Variants in N4BP2 observed in about 807,000 individuals in gnomAD.
N4BP2 encodes NEDD4 binding protein 2.
A neutral mutation model predicts 152.8 loss-of-function variants in N4BP2; 91 were observed. That is an observed-to-expected ratio of 0.60 (90% CI 0.50 to 0.71). N4BP2 has a LOEUF of 0.71. Among genes scored for constraint, N4BP2 ranks in the 30% least tolerant of loss-of-function variants. N4BP2 has a pLI of 0.00. For missense variants in N4BP2, 1,923 were observed against 2,059.1 expected (o/e 0.93, Z 1.28); for synonymous variants, 646 against 705.3 (o/e 0.92, Z 1.33).
rs531823884 is a variant in N4BP2 at position 40,141,085 on chromosome 4, G to A, written c.4786-1588G>A. 2.2e-3 allele frequency among the ~76,000 whole-genome samples: 339 copies of A among 152,040 alleles called. 1 individual carries two copies. Among genetic ancestry groups the A allele is most frequent in the African/African-American group, 8.0e-3 (330 of 41,496 alleles). ...AAAACCGCCATTGTCATCATGGCCC[G>A]TTCTCAATGAGCTGCCGGGCACACC... On this transcript the variant is annotated intron_variant, in intron 14 of 17. Coordinates refer to ENST00000261435, the MANE Select transcript of N4BP2 (RefSeq NM_018177.6).
chr4:40,070,360 G>A (rs182106358), intron 1 of N4BP2, among the ~76,000 whole-genome samples: 6 of 152,012 alleles, frequency 3.9e-5, no homozygotes, highest in South Asian at 2.1e-4. Context: ...TTCAGATCTC[G>A]CCAAGGAAAA....
chr4:40,104,658 G>A (rs1716065495), intron 4 of N4BP2, among the ~76,000 whole-genome samples: 1 of 152,126 alleles, frequency 6.6e-6, no homozygotes, highest in Admixed American at 6.5e-5. Flanking sequence ...AGACAAGTTT[G>A]AAGAATAGGT....
chr4:40,137,240 A>G (rs10029586), intron 14 of N4BP2, among the ~76,000 whole-genome samples, 158 bp downstream of exon 14: 2,497 of 152,342 alleles, frequency 0.016, 70 homozygotes, highest in African/African-American at 0.057. Flanking sequence ...ATATCTGTGC[A>G]CTCAAAATAA....
chr4:40,074,125 CTA>C (rs553631252), intron 2 of N4BP2, among the ~76,000 whole-genome samples: 148 of 149,650 alleles, frequency 9.9e-4, no homozygotes, highest in African/African-American at 3.5e-3. Flanking sequence ...GAGTGTTGCT[CTA>C]TTGCTCAGGC....
At chr4:40,170,219 T>A in the N4BP2 span, among the ~76,000 whole-genome samples, 1 of 152,202 alleles carries the variant, frequency 6.6e-6, no homozygotes, top group African/African-American at 2.4e-5. Flanking sequence ...TTAGGGGGCC[T>A]ACTTACTATG....
In N4BP2 at chr4:40,142,780, G is replaced by C; in HGVS notation, c.4893G>C (p.Gln1631His). ...DYRAEAFLHQ[Q>H]KRMECYSKAK... ...GAGCAGAGGCTTTCCTTCACCAACA[G>C]AAGAGGATGGAGTGCTACAGCAAGG... Residue 1631 changes from glutamine to histidine, a missense_variant, in exon 15 of 18, where the codon CAG becomes CAC. Physicochemically the swap from Gln to His is conservative, Grantham distance 24. Coordinates refer to ENST00000261435, the MANE Select transcript of N4BP2 (RefSeq NM_018177.6). The C allele has an allele frequency of 1.2e-6, 2 of 1,614,154 alleles. No homozygotes were observed. Among genetic ancestry groups the C allele is most frequent in the Non-Finnish European group, 8.5e-7 (1 of 1,180,016 alleles).
chr4:40,162,430 G>A (rs954785322), downstream of N4BP2, among the ~76,000 whole-genome samples: 6 of 152,104 alleles, frequency 3.9e-5, no homozygotes, highest in African/African-American at 1.4e-4. Flanking sequence ...CTGCACTCCA[G>A]CCTGGGTGAC....
At chr4:40,075,606 C>T (rs1041981097) in intron 2 of N4BP2, among the ~76,000 whole-genome samples, 3 of 152,074 alleles carry the variant, frequency 2.0e-5, no homozygotes, top group African/African-American at 7.2e-5. Context: ...CCATATTGGC[C>T]AGGCTGGTCT....
intron 13 of N4BP2, among the ~76,000 whole-genome samples, chr4:40,133,015 G>A (rs1719035269): frequency 6.6e-6 from 1 of 151,852 alleles, no homozygotes; most frequent in Admixed American, 6.6e-5. Flanking sequence ...CTGGCAGCCC[G>A]CCATTTTTCC....
At position 40,122,170 on chromosome 4, in the gene N4BP2, T is replaced by G. The variant is rs61748749; in HGVS notation, c.4059T>G (p.Ser1353Arg). ...GAAGTAGTTTATCAGCTGGAGTTAGTGGGGAAGATAAAACCGAGATATTGA... is the reference window on the plus strand; with the variant it reads ...GAAGTAGTTTATCAGCTGGAGTTAGGGGGGAAGATAAAACCGAGATATTGA... ...MAGSSLSAGV[S>R]GEDKTEILNP... Residue 1353 changes from serine to arginine, a missense_variant, in exon 9 of 18, where the codon AGT becomes AGG. By Grantham distance (110) the Ser-to-Arg change is moderately radical. Coordinates refer to ENST00000261435, the MANE Select transcript of N4BP2 (RefSeq NM_018177.6). The G allele has an allele frequency of 0.077, 123,820 of 1,613,298 alleles. 5,169 individuals are homozygous for G. The highest frequency in any genetic ancestry group is 0.084 in the Non-Finnish European group (99,616 of 1,179,420).
At chr4:40,173,327 G>A in the N4BP2 span, among the ~76,000 whole-genome samples, 1 of 152,136 alleles carries the variant, frequency 6.6e-6, no homozygotes, top group Non-Finnish European at 1.5e-5. Flanking sequence ...ATCACAAATA[G>A]TTTTTGCTTG....
At chr4:40,110,828 G>A (rs776810079) in intron 5 of N4BP2, among the ~76,000 whole-genome samples, 2 of 152,140 alleles carry the variant, frequency 1.3e-5, no homozygotes, top group Non-Finnish European at 2.9e-5. Flanking sequence ...GTGAGGTACC[G>A]TGCCCAGCCT....
intron 1 of N4BP2, among the ~76,000 whole-genome samples, chr4:40,064,355 A>G (rs1333270188): frequency 1.3e-5 from 2 of 151,834 alleles, no homozygotes; most frequent in Admixed American, 1.3e-4. Flanking sequence ...ACTCACTGCA[A>G]CCTCTGCCTC....
chr4:40,058,227 TTTGTAACTCG>T (rs1462120158), intron 1 of N4BP2, among the ~76,000 whole-genome samples: 12 of 152,218 alleles, frequency 7.9e-5, no homozygotes, highest in Admixed American at 7.2e-4. Context: ...CCAGCTGTCT[TTTGTAACTCG>T]TTTTAACTCT....
intron 5 of N4BP2, among the ~76,000 whole-genome samples, chr4:40,107,662 G>A (rs1716448857): frequency 6.6e-6 from 1 of 152,194 alleles, no homozygotes. Flanking sequence ...GAGATTACAG[G>A]TGTGAGCCAC....
At chr4:40,170,719 T>C in the N4BP2 span, among the ~76,000 whole-genome samples, 1 of 152,216 alleles carries the variant, frequency 6.6e-6, no homozygotes, top group Non-Finnish European at 1.5e-5. Flanking sequence ...ACTACCTTTT[T>C]TCAGCTGTAT....
chr4:40,085,812 C>G (rs1578987248), intron 2 of N4BP2, among the ~76,000 whole-genome samples: 1 of 152,088 alleles, frequency 6.6e-6, no homozygotes, highest in Non-Finnish European at 1.5e-5. Flanking sequence ...TCTAGAAAGA[C>G]AAGAACTGAG....
chr4:40,143,241 CATT>C (rs1487818360), intron 15 of N4BP2, among the ~76,000 whole-genome samples: 1 of 152,116 alleles, frequency 6.6e-6, no homozygotes, highest in Non-Finnish European at 1.5e-5. Context: ...ACAAAAATAA[CATT>C]AATTTTTTTT....
chr4:40,100,972 A>G, intron 3 of N4BP2, among the ~76,000 whole-genome samples: 1 of 152,146 alleles, frequency 6.6e-6, no homozygotes, highest in Non-Finnish European at 1.5e-5. Flanking sequence ...GACTCCTCCC[A>G]ATTTCACCCA....
Sources: allele counts gnomAD v4.1 joint callset (sites outside exome capture counted in the v4.1 genomes callset), GRCh38; gene constraint gnomAD v4.1.1; transcripts MANE v1.5; gene names NCBI Gene and HGNC (gene_info 2026-07-23, HGNC 2026-07-21).